TMEM132D: variants seen among roughly 807,000 people sequenced by gnomAD.
TMEM132D encodes the protein transmembrane protein 132D.
A neutral mutation model predicts 62.3 loss-of-function variants in TMEM132D; 21 were observed. The ratio of observed to expected loss-of-function variants is 0.34; its 90% confidence interval spans 0.24 to 0.49. The LOEUF is 0.49. Ranked by LOEUF, TMEM132D falls within the 20% of genes least tolerant of loss-of-function variation. The probability of loss-of-function intolerance (pLI) is 0.99; values close to 1 mark genes in which losing one functional copy is unlikely to be tolerated. For synonymous variants in TMEM132D, 621 were observed against 575.6 expected (o/e 1.08, Z -1.13); for missense variants, 1,346 against 1,402.8 (o/e 0.96, Z 0.65).
At chr12:129,758,535 A>G (rs1316044946) in intron 1 of TMEM132D, among the ~76,000 whole-genome samples, 1 of 152,212 alleles carries the variant, frequency 6.6e-6, no homozygotes. Context: ...TTATTCTCCT[A>G]TTCCCAAGAG....
intron 6 of TMEM132D, 51 bp downstream of exon 6, chr12:129,084,446 C>T (rs753933036): frequency 3.3e-6 from 5 of 1,528,294 alleles, no homozygotes; most frequent in Admixed American, 2.0e-5. Flanking sequence ...AAATTTACCA[C>T]CCCGTACACT....
At chr12:129,735,221 C>T (rs556912227) in intron 1 of TMEM132D, among the ~76,000 whole-genome samples, 16 of 152,286 alleles carry the variant, frequency 1.1e-4, no homozygotes, top group Middle Eastern at 6.8e-3. Flanking sequence ...TGCATGATTG[C>T]TTACTTAATG....
At chr12:129,167,033 G>A (rs975442997) in intron 5 of TMEM132D, among the ~76,000 whole-genome samples, 7 of 151,920 alleles carry the variant, frequency 4.6e-5, no homozygotes, top group African/African-American at 1.7e-4. Flanking sequence ...GTTGGTGCAT[G>A]CCTGTGGGCC....
intron 1 of TMEM132D, among the ~76,000 whole-genome samples, chr12:129,822,045 G>A (rs146163189): frequency 2.3e-4 from 35 of 152,246 alleles, no homozygotes; most frequent in South Asian, 8.3e-4. Flanking sequence ...AAATTCACTG[G>A]GGGGTGACAG....
At chr12:129,713,457 G>C (rs933766721) in intron 1 of TMEM132D, among the ~76,000 whole-genome samples, 2 of 151,828 alleles carry the variant, frequency 1.3e-5, no homozygotes, top group Admixed American at 6.6e-5. Context: ...GTATGCAAAG[G>C]AGCTTTGTGT....
At chr12:129,672,519 A>G (rs1393134586) in intron 2 of TMEM132D, among the ~76,000 whole-genome samples, 2 of 152,178 alleles carry the variant, frequency 1.3e-5, no homozygotes, top group Non-Finnish European at 2.9e-5. Flanking sequence ...AACAAAGGGG[A>G]AGAATACGAT....
chr12:129,280,340 G>A (rs1301953891), intron 4 of TMEM132D, among the ~76,000 whole-genome samples: 1 of 152,136 alleles, frequency 6.6e-6, no homozygotes, highest in African/African-American at 2.4e-5. Context: ...TAAAACATGT[G>A]CAATATCCAT....
intron 2 of TMEM132D, among the ~76,000 whole-genome samples, chr12:129,659,672 C>A (rs1327465270): frequency 6.6e-6 from 1 of 151,824 alleles, no homozygotes; most frequent in Admixed American, 6.6e-5. Flanking sequence ...AAAGAATATC[C>A]TTTCTGTAGA....
chr12:129,085,702 G>A (rs889183240), intron 5 of TMEM132D: 4 of 152,202 alleles, frequency 2.6e-5, no homozygotes, highest in Admixed American at 1.3e-4. Flanking sequence ...GCCTGCCTAT[G>A]TTCCTCTACC....
rs1239305860 is a variant in TMEM132D at position 129,337,619 on chromosome 12, G to T, written c.1299+15C>A. On this transcript the variant is annotated intron_variant, in intron 4 of 8. Coordinates refer to ENST00000422113, the MANE Select transcript of TMEM132D (RefSeq NM_133448.3). ...CCGAGTTCAGTTCTAACAGCCCAGG[G>T]CGGGGCTTGCTTACCATAGCCAGCG... The T allele has an allele frequency of 3.7e-6, 6 of 1,613,456 alleles. No individual in the cohort carries two copies. Among genetic ancestry groups the T allele is most frequent in the Non-Finnish European group, 5.1e-6 (6 of 1,179,766 alleles).
intron 2 of TMEM132D, among the ~76,000 whole-genome samples, chr12:129,648,683 T>C (rs1879849107): frequency 6.6e-6 from 1 of 152,250 alleles, no homozygotes; most frequent in South Asian, 2.1e-4. Context: ...GGTATACAAG[T>C]CAATTTTATT....
chr12:129,539,033 G>A (rs564124498), intron 2 of TMEM132D, among the ~76,000 whole-genome samples: 1 of 150,674 alleles, frequency 6.6e-6, no homozygotes, highest in South Asian at 2.1e-4. Flanking sequence ...TGATCCTGGA[G>A]CTGAGTCTTG....
At chr12:129,114,823 A>G (rs562445210) in intron 5 of TMEM132D, among the ~76,000 whole-genome samples, 1 of 152,268 alleles carries the variant, frequency 6.6e-6, no homozygotes, top group South Asian at 2.1e-4. Context: ...AATGTTTGTG[A>G]GATTGGTCGC....
intron 3 of TMEM132D, among the ~76,000 whole-genome samples, chr12:129,476,434 C>A (rs1874257193): frequency 6.6e-6 from 1 of 152,148 alleles, no homozygotes; most frequent in Non-Finnish European, 1.5e-5. Context: ...AAGTGACTCC[C>A]AACAGGCTTA....
intron 4 of TMEM132D, among the ~76,000 whole-genome samples, chr12:129,253,047 TG>T (rs1566012562): frequency 1.8e-5 from 1 of 56,566 alleles, no homozygotes; most frequent in Non-Finnish European, 3.1e-5. Context: ...TGTTGTGGGG[TG>T]GGGGGAGGGG....
intron 1 of TMEM132D, among the ~76,000 whole-genome samples, chr12:129,708,633 AC>A (rs796991100): frequency 0.18 from 15,752 of 86,564 alleles, 2,881 homozygotes; most frequent in Non-Finnish European, 0.21. Flanking sequence ...AAAAAAAAAC[AC>A]ACACACACAC....
At chr12:129,239,181 G>C (rs2068805547) in intron 4 of TMEM132D, among the ~76,000 whole-genome samples, 1 of 151,762 alleles carries the variant, frequency 6.6e-6, no homozygotes. Context: ...TTTTAAATTT[G>C]TTTATCTTTT....
rs542088284 is a variant in TMEM132D, at chr12:129,139,442, G to C, written c.1444-54740C>G. On this transcript the variant is annotated intron_variant, in intron 5 of 8. Transcript: ENST00000422113. Reference sequence around the variant, plus strand: ...TGTTCAGCAGCACCAGTGCAATCCTGCTGAACATCAACCTTGCTCATAGGG... The same window carrying C: ...TGTTCAGCAGCACCAGTGCAATCCTCCTGAACATCAACCTTGCTCATAGGG... 7.9e-5 allele frequency among the ~76,000 whole-genome samples: 12 copies of C among 152,294 alleles called. No individual in the cohort carries two copies. The South Asian group carries it at 2.5e-3, about 32-fold the overall frequency.
chr12:129,116,918 CAAAAAAAAAAAAAAAAAA>C (rs60513263), intron 5 of TMEM132D, among the ~76,000 whole-genome samples: 1 of 58,988 alleles, frequency 1.7e-5, no homozygotes, highest in African/African-American at 6.7e-5. Context: ...AAAATTTCCG[CAAAAAAAAAAAAAAAAAA>C]AAAAAAAAAA....
Sources: gnomAD v4.1 joint callset for allele counts (sites outside exome capture counted in the v4.1 genomes callset) on GRCh38, gnomAD v4.1.1 for gene constraint, MANE v1.5 for transcripts, NCBI Gene and HGNC (gene_info 2026-07-23, HGNC 2026-07-21) for gene names.